PDZRN3: variants seen among roughly 807,000 people sequenced by gnomAD.
PDZRN3 encodes E3 ubiquitin-protein ligase PDZRN3.
In PDZRN3, 38 loss-of-function variants were observed where a neutral mutation model predicts 85.7. The observed-to-expected ratio is 0.44, with a 90% CI of 0.34 to 0.58. PDZRN3 has a LOEUF of 0.58. Among genes scored for constraint, PDZRN3 ranks in the 20% least tolerant of loss-of-function variants. The probability of loss-of-function intolerance (pLI) is 0.01; values close to 1 mark genes in which losing one functional copy is unlikely to be tolerated. For synonymous variants in PDZRN3, 759 were observed against 638.0 expected (o/e 1.19, Z -2.86); for missense variants, 1,629 against 1,506.4 (o/e 1.08, Z -1.35).
intron 3 of PDZRN3, among the ~76,000 whole-genome samples, chr3:73,584,340 A>G (rs1702245106): frequency 6.6e-6 from 1 of 152,184 alleles, no homozygotes; most frequent in South Asian, 2.1e-4. Flanking sequence ...AGGAAACAGG[A>G]TAATGACAGA....
At chr3:73,597,900 A>G (rs1013382551) in intron 3 of PDZRN3, among the ~76,000 whole-genome samples, 6 of 152,216 alleles carry the variant, frequency 3.9e-5, no homozygotes, top group Non-Finnish European at 8.8e-5. Flanking sequence ...CAAAAACTCC[A>G]TATGACAGTC....
chr3:73,576,070 T>C (rs1248932656), intron 3 of PDZRN3, among the ~76,000 whole-genome samples: 1 of 152,114 alleles, frequency 6.6e-6, no homozygotes, highest in Non-Finnish European at 1.5e-5. Context: ...GGAGTCATTA[T>C]ATGTCCTTTG....
At chr3:73,498,607 T>C (rs1002857042) in intron 3 of PDZRN3, among the ~76,000 whole-genome samples, 7 of 151,652 alleles carry the variant, frequency 4.6e-5, no homozygotes, top group African/African-American at 1.7e-4. Context: ...TTTTTTGAGA[T>C]GGAGTCTAGC....
intron 3 of PDZRN3, among the ~76,000 whole-genome samples, chr3:73,432,181 G>A (rs1035359089): frequency 2.0e-5 from 3 of 152,164 alleles, no homozygotes; most frequent in Non-Finnish European, 4.4e-5. Flanking sequence ...CCTGCGTGCT[G>A]GACTCACTGA....
intron 1 of PDZRN3, among the ~76,000 whole-genome samples, chr3:73,617,152 G>C (rs1308877955): frequency 6.6e-6 from 1 of 152,204 alleles, no homozygotes; most frequent in African/African-American, 2.4e-5. Context: ...ACACACTGCT[G>C]ATGCCAGGGG....
At chr3:73,611,062 A>C (rs1316194464) in intron 1 of PDZRN3, among the ~76,000 whole-genome samples, 1 of 152,170 alleles carries the variant, frequency 6.6e-6, no homozygotes, top group East Asian at 1.9e-4. Context: ...TGGGATTCAG[A>C]CCCATACTTC....
chr3:73,433,047 AC>A (rs1702463654), intron 3 of PDZRN3, among the ~76,000 whole-genome samples: 1 of 152,248 alleles, frequency 6.6e-6, no homozygotes, highest in Admixed American at 6.5e-5. Context: ...CTCAGAAGAT[AC>A]AAGTCATCTG....
chr3:73,420,534 T>C (rs1292026248), intron 3 of PDZRN3, among the ~76,000 whole-genome samples: 1 of 152,208 alleles, frequency 6.6e-6, no homozygotes, highest in Non-Finnish European at 1.5e-5. Context: ...TGGCTTTACA[T>C]ACTTCTGTTG....
intron 5 of PDZRN3, among the ~76,000 whole-genome samples, chr3:73,398,940 C>T (rs865947991): frequency 2.6e-5 from 4 of 152,174 alleles, no homozygotes; most frequent in Middle Eastern, 3.4e-3. Context: ...AAATAGAAAG[C>T]ACGTAAGAGT....
At chr3:73,597,738 T>C (rs1195475377) in intron 3 of PDZRN3, among the ~76,000 whole-genome samples, 4 of 139,564 alleles carry the variant, frequency 2.9e-5, no homozygotes, top group South Asian at 2.2e-4. Flanking sequence ...AGGCAAGCCA[T>C]GACCAAAAAA....
At chr3:73,584,550 G>T (rs9847947) in intron 3 of PDZRN3, among the ~76,000 whole-genome samples, 1 of 151,114 alleles carries the variant, frequency 6.6e-6, no homozygotes, top group Non-Finnish European at 1.5e-5. Flanking sequence ...AGAAAACAGA[G>T]AAAATATTAA....
At chr3:73,549,926 C>T (rs1283146306) in intron 3 of PDZRN3, among the ~76,000 whole-genome samples, 4 of 152,100 alleles carry the variant, frequency 2.6e-5, no homozygotes, top group African/African-American at 7.2e-5. Flanking sequence ...TTTAAAAAAC[C>T]AACTTCTCAC....
At chr3:73,501,280 C>T (rs544014376) in intron 3 of PDZRN3, among the ~76,000 whole-genome samples, 1 of 152,334 alleles carries the variant, frequency 6.6e-6, no homozygotes, top group Non-Finnish European at 1.5e-5. Flanking sequence ...CTAGAGGCAT[C>T]TCTCTGAGTC....
At chr3:73,491,708 C>T (rs1480644857) in intron 3 of PDZRN3, among the ~76,000 whole-genome samples, 1 of 151,290 alleles carries the variant, frequency 6.6e-6, no homozygotes, top group East Asian at 2.0e-4. Context: ...AAGCAATCCT[C>T]CCACCTCCTA....
At chr3:73,514,959 C>T (rs1051376179) in intron 3 of PDZRN3, among the ~76,000 whole-genome samples, 5 of 152,108 alleles carry the variant, frequency 3.3e-5, no homozygotes, top group African/African-American at 9.7e-5. Flanking sequence ...AGTGAGAAAG[C>T]GATGGAAGCC....
At chr3:73,487,990 C>T (rs74649778) in intron 3 of PDZRN3, among the ~76,000 whole-genome samples, 2,219 of 152,188 alleles carry the variant, frequency 0.015, 37 homozygotes, top group African/African-American at 0.047. Flanking sequence ...GGCTGATATT[C>T]CCCAATTTTA....
At chr3:73,411,180 A>G (rs1027943278) in intron 3 of PDZRN3, among the ~76,000 whole-genome samples, 1 of 152,230 alleles carries the variant, frequency 6.6e-6, no homozygotes, top group African/African-American at 2.4e-5. Context: ...CGAGAATGAA[A>G]AAATGAGGTC....
intron 3 of PDZRN3, among the ~76,000 whole-genome samples, chr3:73,405,286 A>G (rs1575627421): frequency 6.6e-6 from 1 of 152,324 alleles, no homozygotes; most frequent in East Asian, 1.9e-4. Context: ...CAGCTGACAT[A>G]AGATGAAATA....
In PDZRN3 at chr3:73,624,262, C is replaced by A. The variant is rs756661562; in HGVS notation, c.564G>T (p.Ala188=). ...ACTTCTCGCGCTTCCCAGCGCGCAG[C>A]GCCTCCTTCTTGAGCGCCTTGTGCA... ...GALHKALKKE[A]LRAGKREKSL... Residue 188 remains alanine (A), a synonymous_variant, in exon 1 of 10, where the codon GCG becomes GCT. Transcript: ENST00000263666. 3 of 1,435,270 alleles carry A rather than the reference C, an allele frequency of 2.1e-6. No individual in the cohort carries two copies. Among genetic ancestry groups the A allele is most frequent in the Admixed American group, 5.6e-5 (2 of 35,640 alleles). The allele number at this position is 1,435,270 out of a possible 1,614,324, so 88.9% of individuals were successfully genotyped here.
Sources: gnomAD v4.1 joint callset for allele counts (sites outside exome capture counted in the v4.1 genomes callset) on GRCh38, gnomAD v4.1.1 for gene constraint, MANE v1.5 for transcripts, NCBI Gene and HGNC (gene_info 2026-07-23, HGNC 2026-07-21) for gene names.